DPP10: variants seen among roughly 807,000 people sequenced by gnomAD.
DPP10 encodes inactive dipeptidyl peptidase 10.
A neutral mutation model predicts 120.9 loss-of-function variants in DPP10; 33 were observed. That is an observed-to-expected ratio of 0.27 (90% CI 0.21 to 0.37). The LOEUF (loss-of-function observed/expected upper bound fraction) is 0.37, where lower values mean the gene tolerates loss of function less well. DPP10 is among the 10% of genes least tolerant of loss of function. DPP10 has a pLI of 1.00. For synonymous variants in DPP10, 337 were observed against 326.1 expected (o/e 1.03, Z -0.36); for missense variants, 816 against 942.8 (o/e 0.87, Z 1.76).
At chr2:115,719,345 T>G (rs1211788715) in intron 7 of DPP10, among the ~76,000 whole-genome samples, 4 of 152,186 alleles carry the variant, frequency 2.6e-5, no homozygotes, top group Non-Finnish European at 5.9e-5. Flanking sequence ...TTGAAAGGGC[T>G]TCCTGATATG....
intron 1 of DPP10, among the ~76,000 whole-genome samples, chr2:114,755,808 C>T (rs1186985667): frequency 6.6e-6 from 1 of 152,124 alleles, no homozygotes; most frequent in Non-Finnish European, 1.5e-5. Context: ...CACACACATG[C>T]ATTCATGATA....
chr2:115,803,688 G>A (rs949459367), intron 19 of DPP10, among the ~76,000 whole-genome samples: 4 of 152,198 alleles, frequency 2.6e-5, no homozygotes, highest in Non-Finnish European at 5.9e-5. Flanking sequence ...CTTCACGTAT[G>A]AAGCTCAGTT....
intron 1 of DPP10, among the ~76,000 whole-genome samples, chr2:114,789,243 C>G (rs1683040601): frequency 6.6e-6 from 1 of 152,202 alleles, no homozygotes; most frequent in African/African-American, 2.4e-5. Context: ...AATACATGCT[C>G]TCTTACCAGA....
chr2:115,724,199 T>C (rs896691751), intron 7 of DPP10, among the ~76,000 whole-genome samples: 14 of 152,202 alleles, frequency 9.2e-5, no homozygotes, highest in Non-Finnish European at 2.1e-4. Flanking sequence ...TCATAGACTT[T>C]AATATCAAAT....
intron 1 of DPP10, among the ~76,000 whole-genome samples, chr2:114,788,416 C>CT (rs1333805639): frequency 9.0e-6 from 1 of 111,670 alleles, no homozygotes; most frequent in African/African-American, 4.1e-5. Flanking sequence ...AGAACATGTA[C>CT]ATTTTTTTTT....
intron 1 of DPP10, among the ~76,000 whole-genome samples, chr2:114,553,901 G>A (rs555032584): frequency 1.1e-4 from 16 of 152,292 alleles, no homozygotes; most frequent in African/African-American, 1.7e-4. Flanking sequence ...AAATATCAGC[G>A]CAATAGATCA....
chr2:115,304,397 A>G (rs1026730199), intron 1 of DPP10, among the ~76,000 whole-genome samples: 2 of 152,092 alleles, frequency 1.3e-5, no homozygotes, highest in African/African-American at 4.8e-5. Context: ...CTCTAGGGCT[A>G]AAAACCCAAG....
intron 13 of DPP10, among the ~76,000 whole-genome samples, chr2:115,773,800 A>G (rs1443391391): frequency 2.0e-5 from 3 of 152,098 alleles, no homozygotes; most frequent in Non-Finnish European, 4.4e-5. Context: ...AGTGTTGTTC[A>G]GTCATCTACC....
At chr2:115,689,525 T>A (rs1559033559) in intron 5 of DPP10, among the ~76,000 whole-genome samples, 162 bp from the exon 6 acceptor site, 1 of 152,118 alleles carries the variant, frequency 6.6e-6, no homozygotes, top group Non-Finnish European at 1.5e-5. Context: ...AAATTAGGCA[T>A]AAGGCACAGA....
In DPP10 at chr2:115,746,102, C is replaced by T. The variant is rs1677936274; in HGVS notation, c.869C>T (p.Pro290Leu). ...YPYPKAGQVN[P>L]TIKLYVVNLY... ...TTCTCAAAGGCAGGTCAAGTGAACC[C>T]AACAATAAAATTATATGTTGTAAAC... Residue 290 changes from proline (P) to leucine (L), a missense_variant, in exon 10 of 26, where the codon CCA becomes CTA. By Grantham distance (98) the Pro-to-Leu change is moderately conservative. Coordinates refer to ENST00000410059, the MANE Select transcript of DPP10 (RefSeq NM_020868.6). The T allele has an allele frequency of 6.2e-7, 1 of 1,607,904 alleles. No homozygotes were observed. The highest frequency in any genetic ancestry group is 8.5e-7 in the Non-Finnish European group (1 of 1,178,318).
chr2:115,202,327 T>G (rs1211597813), intron 1 of DPP10, among the ~76,000 whole-genome samples: 1 of 152,206 alleles, frequency 6.6e-6, no homozygotes. Context: ...AAAATCACTC[T>G]AGTTTGTCAC....
chr2:114,814,797 G>A lies in DPP10; in HGVS notation c.60+371959G>A, dbSNP rs575335716. On this transcript the variant is annotated intron_variant, in intron 1 of 25. Coordinates refer to ENST00000410059, the MANE Select transcript of DPP10 (RefSeq NM_020868.6). ...GTTTCTTCTTCAATTTACCCACAGC[G>A]GTCCTGGCTAGGATCCTGTCATGGT... is the stretch of plus-strand genomic sequence containing the variant. Among the ~76,000 whole-genome samples the A allele has an allele frequency of 4.6e-5, 7 of 152,252 alleles. No homozygotes were observed. The South Asian group carries it at 6.2e-4, about 14-fold the overall frequency.
chr2:115,162,410 C>T lies in DPP10; in HGVS notation c.61-146829C>T, dbSNP rs182254323. Reference sequence around the variant, plus strand: ...AAATCTGCTGCGCTCCTGACGGCCGCTCACCGGGTTCGAGCCCCGTCCTCC... The same window carrying T: ...AAATCTGCTGCGCTCCTGACGGCCGTTCACCGGGTTCGAGCCCCGTCCTCC... On this transcript the variant is annotated intron_variant, in intron 1 of 25. Coordinates refer to ENST00000410059, the MANE Select transcript of DPP10 (RefSeq NM_020868.6). 1.8e-4 allele frequency: 228 copies of T among 1,255,672 alleles called. 5 individuals are homozygous for T. The African/African-American group carries it at 3.1e-3, about 17-fold the overall frequency. 77.8% of individuals were successfully genotyped at this position (1,255,672 alleles called of 1,614,324 possible). A position where few individuals can be genotyped will look rare whatever the true frequency, so the allele number is the denominator to read the frequency against.
intron 1 of DPP10, among the ~76,000 whole-genome samples, chr2:114,600,094 A>G (rs1692245182): frequency 6.6e-6 from 1 of 151,546 alleles, no homozygotes; most frequent in Non-Finnish European, 1.5e-5. Flanking sequence ...GAAAGTTTTA[A>G]GCCACCATAT....
At chr2:114,787,185 G>T (rs1453003280) in intron 1 of DPP10, among the ~76,000 whole-genome samples, 2 of 152,200 alleles carry the variant, frequency 1.3e-5, no homozygotes, top group East Asian at 1.9e-4. Flanking sequence ...TAACATCTGA[G>T]CCCAGGTTAA....
intron 19 of DPP10, among the ~76,000 whole-genome samples, chr2:115,802,672 C>T (rs1023601017): frequency 1.3e-5 from 2 of 152,048 alleles, no homozygotes; most frequent in East Asian, 1.9e-4. Context: ...TTATTTCTGC[C>T]TTCATTTCGT....
chr2:114,916,595 C>G (rs956255351), intron 1 of DPP10, among the ~76,000 whole-genome samples: 1 of 152,124 alleles, frequency 6.6e-6, no homozygotes, highest in African/African-American at 2.4e-5. Flanking sequence ...AGAAAATCAA[C>G]TGGAGCAGCA....
intron 1 of DPP10, among the ~76,000 whole-genome samples, chr2:115,240,964 G>T (rs971955877): frequency 6.6e-6 from 1 of 152,080 alleles, no homozygotes; most frequent in Non-Finnish European, 1.5e-5. Context: ...ACTTTTCATG[G>T]CAAACCTATA....
chr2:115,288,251 G>T (rs1013196334), intron 1 of DPP10, among the ~76,000 whole-genome samples: 1 of 151,226 alleles, frequency 6.6e-6, no homozygotes, highest in African/African-American at 2.4e-5. Context: ...ATCTTGTTGT[G>T]GTTTTAATTT....
Sources: gnomAD v4.1 joint callset for allele counts (sites outside exome capture counted in the v4.1 genomes callset) on GRCh38, gnomAD v4.1.1 for gene constraint, MANE v1.5 for transcripts, NCBI Gene and HGNC (gene_info 2026-07-23, HGNC 2026-07-21) for gene names.